TMTC4: variants seen among roughly 807,000 people sequenced by gnomAD.
TMTC4 encodes the protein transmembrane O-mannosyltransferase targeting cadherins 4.
In TMTC4, 65 loss-of-function variants were observed where a neutral mutation model predicts 86.0. That is an observed-to-expected ratio of 0.76 (90% CI 0.62 to 0.93). The LOEUF is 0.93. Ranked by LOEUF, TMTC4 falls within the 40% of genes least tolerant of loss-of-function variation. The probability of loss-of-function intolerance (pLI) is 0.00; values close to 1 mark genes in which losing one functional copy is unlikely to be tolerated. For missense variants in TMTC4, 866 were observed against 948.1 expected (o/e 0.91, Z 1.14); for synonymous variants, 379 against 382.5 (o/e 0.99, Z 0.11).
At chr13:100,671,993 C>T (rs1462010787) in intron 1 of TMTC4, among the ~76,000 whole-genome samples, 1 of 152,234 alleles carries the variant, frequency 6.6e-6, no homozygotes, top group Middle Eastern at 3.4e-3. Flanking sequence ...GCCGGCTGCA[C>T]GACCTTGAAC....
intron 15 of TMTC4, among the ~76,000 whole-genome samples, chr13:100,616,121 T>C (rs1484875548): frequency 6.6e-6 from 1 of 152,196 alleles, no homozygotes; most frequent in Non-Finnish European, 1.5e-5. Flanking sequence ...CACATTTTCT[T>C]TTTCCAATCT....
chr13:100,626,808 C>T (rs1324285278), intron 12 of TMTC4, among the ~76,000 whole-genome samples: 3 of 152,146 alleles, frequency 2.0e-5, no homozygotes, highest in Non-Finnish European at 4.4e-5. Context: ...AAGCATTTTA[C>T]TCTGTATCTG....
In TMTC4 at chr13:100,634,939, T is replaced by TA. The variant is rs1881998118; in HGVS notation, c.1375-4dup. 1 of 1,613,612 alleles carries TA rather than the reference T, an allele frequency of 6.2e-7. No homozygotes were observed. The highest frequency in any genetic ancestry group is 1.7e-5 in the Admixed American group (1 of 59,942). ...AGCACGACAGCGGCAATGAGTTTCT[T>TA]AAGAACAGAAAGACATGGTAATTGT... On this transcript the variant is annotated splice_region_variant and splice_polypyrimidine_tract_variant and intron_variant, in intron 11 of 18. Transcript: ENST00000342624.
At chr13:100,669,648 C>T (rs1193347221) in intron 2 of TMTC4, among the ~76,000 whole-genome samples, 3 of 152,148 alleles carry the variant, frequency 2.0e-5, no homozygotes, top group Non-Finnish European at 2.9e-5. Context: ...AACCCCTTTC[C>T]TCTCTGAGCC....
chr13:100,669,428 G>A (rs1886795086), intron 2 of TMTC4, among the ~76,000 whole-genome samples: 1 of 152,002 alleles, frequency 6.6e-6, no homozygotes, highest in African/African-American at 2.4e-5. Flanking sequence ...TGACTGGTGG[G>A]GACAATATCT....
chr13:100,641,724 T>C (rs1375562696), intron 7 of TMTC4, among the ~76,000 whole-genome samples: 1 of 152,154 alleles, frequency 6.6e-6, no homozygotes, highest in Non-Finnish European at 1.5e-5. Context: ...CGACCTCAGG[T>C]GATCTGCCCG....
intron 15 of TMTC4, among the ~76,000 whole-genome samples, chr13:100,621,345 C>T (rs9513772): frequency 6.6e-6 from 1 of 152,144 alleles, no homozygotes; most frequent in African/African-American, 2.4e-5. Flanking sequence ...TGTGGGCAGA[C>T]CCACTCACTT....
In TMTC4 at chr13:100,615,531, C is replaced by G. The variant is rs1878345936; in HGVS notation, c.1837-1101G>C. ...GGCTCACTGCAACCTCTGCTCACTG[C>G]AACGTCTGCCTCCCAAGTTCGAACA... is the stretch of plus-strand genomic sequence containing the variant. On this transcript the variant is annotated intron_variant, in intron 15 of 18. Transcript: ENST00000342624. Among the ~76,000 whole-genome samples, 2 of 152,124 alleles carry G rather than the reference C, an allele frequency of 1.3e-5. 1 individual carries two copies.
At chr13:100,659,851 C>T (rs1344091761) in intron 5 of TMTC4, among the ~76,000 whole-genome samples, 1 of 148,612 alleles carries the variant, frequency 6.7e-6, no homozygotes, top group Non-Finnish European at 1.5e-5. Context: ...GCCCGGCTGT[C>T]GTTGCTTTAA....
intron 12 of TMTC4, among the ~76,000 whole-genome samples, chr13:100,628,145 T>C (rs1377262796): frequency 6.6e-6 from 1 of 152,178 alleles, no homozygotes; most frequent in African/African-American, 2.4e-5. Context: ...TGGAAGTCCA[T>C]GGTCACCATC....
intron 2 of TMTC4, 128 bp downstream of exon 2, chr13:100,670,232 A>G: frequency 9.8e-7 from 1 of 1,022,714 alleles, no homozygotes; most frequent in East Asian, 2.8e-5. Flanking sequence ...TGGATCTCTA[A>G]GTGGATACCC....
chr13:100,640,373 A>T (rs1323416536), intron 7 of TMTC4, among the ~76,000 whole-genome samples: 2 of 151,706 alleles, frequency 1.3e-5, no homozygotes, highest in African/African-American at 4.8e-5. Context: ...AGAGCAAATT[A>T]AAAAAAAATT....
intron 3 of TMTC4, among the ~76,000 whole-genome samples, chr13:100,667,846 T>C (rs868011192): frequency 5.3e-5 from 8 of 152,200 alleles, no homozygotes; most frequent in African/African-American, 4.8e-5. Context: ...TGCCTCTGCA[T>C]TTCTTGCTCT....
intron 15 of TMTC4, among the ~76,000 whole-genome samples, chr13:100,616,645 C>T (rs1334585539): frequency 2.0e-5 from 3 of 152,178 alleles, no homozygotes; most frequent in African/African-American, 7.2e-5. Flanking sequence ...AGTGTCTAAG[C>T]ATTCCTTTTT....
chr13:100,637,651 T>A lies in TMTC4; in HGVS notation c.886A>T (p.Thr296Ser). 6.2e-7 allele frequency: 1 copy of A among 1,614,062 alleles called. No homozygotes were observed. Among genetic ancestry groups the A allele is most frequent in the Non-Finnish European group, 8.5e-7 (1 of 1,179,996 alleles). The change falls in exon 9 of 19, where the codon ACC becomes TCC. Residue 296 changes from threonine to serine, a missense_variant. Physicochemically the swap from Thr to Ser is moderately conservative, Grantham distance 58 (BLOSUM62 1). Coordinates refer to ENST00000342624, the MANE Select transcript of TMTC4 (RefSeq NM_032813.5). ...GGLLFRMTLLTSGGAGMLYVR... is the reference protein window; with the variant it reads ...GGLLFRMTLLSSGGAGMLYVR... Reference sequence around the variant, plus strand: ...TAGAGCATCCCAGCCCCTCCAGAGGTGAGCAGGGTCATTCTGAAGAGGAGG... The same window carrying A: ...TAGAGCATCCCAGCCCCTCCAGAGGAGAGCAGGGTCATTCTGAAGAGGAGG...
At chr13:100,632,053 A>ACTCTCT (rs67759381) in intron 12 of TMTC4, among the ~76,000 whole-genome samples, 98 of 43,044 alleles carry the variant, frequency 2.3e-3, no homozygotes, top group South Asian at 3.1e-3. Flanking sequence ...ACACACACAC[A>ACTCTCT]CTCTCTCTCT....
chr13:100,615,461 G>C (rs1465973914), intron 15 of TMTC4, among the ~76,000 whole-genome samples: 2 of 150,188 alleles, frequency 1.3e-5, no homozygotes, highest in Non-Finnish European at 3.0e-5. Flanking sequence ...TTTAGAAACA[G>C]AGTCTCGCTC....
chr13:100,671,739 G>T (rs1283199), intron 1 of TMTC4, among the ~76,000 whole-genome samples: 50,754 of 151,864 alleles, frequency 0.33, 8,821 homozygotes, highest in East Asian at 0.59. Context: ...TATCTCAGGG[G>T]GCTCCTTCTC....
intron 12 of TMTC4, 53 bp from the exon 13 acceptor site, chr13:100,626,203 C>T (rs1439589692): frequency 1.3e-6 from 2 of 1,557,702 alleles, no homozygotes; most frequent in Non-Finnish European, 8.9e-7. Flanking sequence ...TGTTCAGAGC[C>T]TGGACCCCAT....
Sources: gnomAD v4.1 joint callset for allele counts (sites outside exome capture counted in the v4.1 genomes callset) on GRCh38, gnomAD v4.1.1 for gene constraint, MANE v1.5 for transcripts, NCBI Gene and HGNC (gene_info 2026-07-23, HGNC 2026-07-21) for gene names.